PRR16: variants seen among roughly 807,000 people sequenced by gnomAD.
PRR16 encodes protein Largen.
A neutral mutation model predicts 18.2 loss-of-function variants in PRR16; 6 were observed. The observed-to-expected ratio is 0.33, with a 90% confidence interval of 0.18 to 0.65. PRR16 has a LOEUF of 0.65. Ranked by LOEUF, PRR16 falls within the 30% of genes least tolerant of loss-of-function variation. PRR16 has a pLI of 0.74. For synonymous variants in PRR16, 151 were observed against 147.8 expected (o/e 1.02, Z -0.16); for missense variants, 412 against 376.6 (o/e 1.09, Z -0.78).
At chr5:120,748,063 G>A in the PRR16 span, among the ~76,000 whole-genome samples, 1 of 152,022 alleles carries the variant, frequency 6.6e-6, no homozygotes, top group Non-Finnish European at 1.5e-5. Context: ...TGCACTATCA[G>A]ATCTCTATTT....
At chr5:120,733,685 A>C in the PRR16 span, among the ~76,000 whole-genome samples, 2 of 152,152 alleles carry the variant, frequency 1.3e-5, no homozygotes, top group Non-Finnish European at 2.9e-5. Flanking sequence ...GAGTTTTCAA[A>C]CTGTAATTAA....
At chr5:120,677,066 T>A (rs1036816288) in intron 1 of PRR16, among the ~76,000 whole-genome samples, 1 of 152,226 alleles carries the variant, frequency 6.6e-6, no homozygotes, top group African/African-American at 2.4e-5. Context: ...CCACAGTGTT[T>A]ATTCACACAT....
chr5:120,632,315 A>G (rs982420870), intron 1 of PRR16, among the ~76,000 whole-genome samples: 3 of 152,124 alleles, frequency 2.0e-5, no homozygotes, highest in South Asian at 2.1e-4. Context: ...TGGCAAAACA[A>G]GGTTCTTTAA....
intron 1 of PRR16, among the ~76,000 whole-genome samples, chr5:120,579,542 G>T (rs1238894799): frequency 2.6e-5 from 4 of 152,146 alleles, no homozygotes; most frequent in Non-Finnish European, 4.4e-5. Flanking sequence ...TGTCAAGTTT[G>T]TTGAAGATCA....
the PRR16 span, among the ~76,000 whole-genome samples, chr5:120,732,276 A>G: frequency 6.6e-6 from 1 of 152,184 alleles, no homozygotes; most frequent in Non-Finnish European, 1.5e-5. Flanking sequence ...ACACATCTTC[A>G]TGAGTATGTT....
At chr5:120,555,425 T>G (rs1045105442) in intron 1 of PRR16, among the ~76,000 whole-genome samples, 1 of 151,850 alleles carries the variant, frequency 6.6e-6, no homozygotes, top group African/African-American at 2.4e-5. Context: ...CAAGTCAAGG[T>G]GCTGGCCAGT....
At chr5:120,510,031 G>C (rs1750780874) in intron 1 of PRR16, among the ~76,000 whole-genome samples, 1 of 152,094 alleles carries the variant, frequency 6.6e-6, no homozygotes, top group Admixed American at 6.6e-5. Context: ...ACTAGCAAAA[G>C]AGGCTTTCAA....
intron 1 of PRR16, among the ~76,000 whole-genome samples, chr5:120,551,133 T>A (rs932187770): frequency 4.6e-5 from 7 of 152,016 alleles, no homozygotes; most frequent in African/African-American, 1.7e-4. Flanking sequence ...TGCTGTGCAT[T>A]AGGGTTCCAG....
intron 1 of PRR16, among the ~76,000 whole-genome samples, chr5:120,664,294 G>C (rs925425547): frequency 7.3e-6 from 1 of 137,164 alleles, no homozygotes; most frequent in Admixed American, 7.9e-5. Flanking sequence ...GTGAAACTCT[G>C]TCTCAAAAGA....
At chr5:120,581,609 C>G (rs1753275026) in intron 1 of PRR16, among the ~76,000 whole-genome samples, 1 of 152,092 alleles carries the variant, frequency 6.6e-6, no homozygotes, top group South Asian at 2.1e-4. Flanking sequence ...AATTGTGATG[C>G]TAGTATGTCG....
chr5:120,697,969 C>T, the PRR16 span, among the ~76,000 whole-genome samples: 1 of 152,154 alleles, frequency 6.6e-6, no homozygotes, highest in African/African-American at 2.4e-5. Context: ...TTACTTCAGG[C>T]CATCTGGGCG....
chr5:120,569,994 T>G (rs1236808572), intron 1 of PRR16, among the ~76,000 whole-genome samples: 1 of 152,144 alleles, frequency 6.6e-6, no homozygotes, highest in East Asian at 1.9e-4. Flanking sequence ...TTGGCTTATT[T>G]GGACCATAGT....
intron 1 of PRR16, among the ~76,000 whole-genome samples, chr5:120,650,692 G>A (rs1292732190): frequency 6.6e-6 from 1 of 152,102 alleles, no homozygotes; most frequent in Non-Finnish European, 1.5e-5. Flanking sequence ...ATTCCATGGT[G>A]TATATGTGCC....
intron 1 of PRR16, among the ~76,000 whole-genome samples, chr5:120,514,582 G>T (rs1357505336): frequency 1.3e-5 from 2 of 152,152 alleles, no homozygotes; most frequent in Admixed American, 6.5e-5. Flanking sequence ...TCTGCCAGAT[G>T]TCCTAGCTCT....
intron 1 of PRR16, among the ~76,000 whole-genome samples, chr5:120,578,650 A>G (rs1753161478): frequency 6.6e-6 from 1 of 152,140 alleles, no homozygotes; most frequent in South Asian, 2.1e-4. Flanking sequence ...TCTATCATTG[A>G]TGGACATTTG....
At chr5:120,711,789 C>T in the PRR16 span, among the ~76,000 whole-genome samples, 1 of 152,098 alleles carries the variant, frequency 6.6e-6, no homozygotes, top group African/African-American at 2.4e-5. Context: ...CCAAGAATGA[C>T]CTTCTTTTCC....
At chr5:120,487,574 A>G (rs1749855261) in intron 1 of PRR16, among the ~76,000 whole-genome samples, 1 of 152,116 alleles carries the variant, frequency 6.6e-6, no homozygotes, top group Admixed American at 6.6e-5. Flanking sequence ...TTCTAGATAT[A>G]CAATCATGTC....
chr5:120,628,427 A>G (rs1446670236), intron 1 of PRR16, among the ~76,000 whole-genome samples: 4 of 152,034 alleles, frequency 2.6e-5, no homozygotes, highest in African/African-American at 9.7e-5. Context: ...ATGTGGGATA[A>G]TGGATTCTGT....
chr5:120,629,441 A>T (rs1754981983), intron 1 of PRR16, among the ~76,000 whole-genome samples: 1 of 152,090 alleles, frequency 6.6e-6, no homozygotes, highest in Non-Finnish European at 1.5e-5. Flanking sequence ...ATTATTTCTA[A>T]AATGCAATTT....
Sources: gnomAD v4.1 joint callset for allele counts (sites outside exome capture counted in the v4.1 genomes callset) on GRCh38, gnomAD v4.1.1 for gene constraint, MANE v1.5 for transcripts, NCBI Gene and HGNC (gene_info 2026-07-23, HGNC 2026-07-21) for gene names.